F8: variants seen among roughly 807,000 people sequenced by gnomAD.
F8 encodes the protein antihemophilic factor.
In F8, 12 loss-of-function variants were observed where a neutral mutation model predicts 140.6. The ratio of observed to expected loss-of-function variants is 0.09; its 90% confidence interval spans 0.05 to 0.14. The LOEUF is 0.14. F8 is among the 10% of genes least tolerant of loss of function. The pLI, the probability that F8 is intolerant of heterozygous loss-of-function variation, is 1.00. For missense variants in F8, 1,354 were observed against 1,720.7 expected, an observed-to-expected ratio of 0.79 and a Z score of 3.77; for synonymous variants, 585 against 614.6, an observed-to-expected ratio of 0.95 and a Z score of 0.71.
rs782286433 is a variant in F8 at position 154,899,913 on chromosome X, C to T, written c.6226G>A (p.Gly2076Arg). 10 of 1,209,635 alleles carry T rather than the reference C, an allele frequency of 8.3e-6. No homozygotes were observed. The East Asian group carries it at 8.9e-5, about 11-fold the overall frequency. The change falls in exon 21 of 26, where the codon GGA (glycine) becomes AGA (arginine). Residue 2076 changes from glycine to arginine, a missense_variant. Physicochemically the swap from Gly to Arg is moderately radical, Grantham distance 125 (BLOSUM62 -2). This residue lies in a region of F8 where 316 missense variants were observed against 485.4 expected (regional missense o/e 0.65). Transcript: ENST00000360256. Reference sequence around the variant, plus strand: ...TTGGTGCTCCAGGCATTGATTGATCCGGAATAATGAAGTCTGGCCAGCTTT... The same window carrying T: ...TTGGTGCTCCAGGCATTGATTGATCTGGAATAATGAAGTCTGGCCAGCTTT... ...APKLARLHYS[G>R]SINAWSTKEP...
intron 25 of F8, among the ~76,000 whole-genome samples, chrX:154,846,899 G>C (rs1483423273): frequency 9.0e-6 from 1 of 111,082 alleles, no homozygotes; most frequent in Non-Finnish European, 1.9e-5. Flanking sequence ...TACAATTTGG[G>C]ATGTTTTTGC....
intron 14 of F8, among the ~76,000 whole-genome samples, chrX:154,920,379 G>A (rs1239674431): frequency 2.7e-5 from 3 of 110,767 alleles, no homozygotes; most frequent in Non-Finnish European, 5.7e-5. Context: ...AAAATTAGCA[G>A]GCTATTTTAA....
Position 154,984,777 on chromosome X carries a change from T to C in F8, c.697A>G (p.Asn233Asp), listed in dbSNP as rs782436137. ...GCATCCCTATCCTGCATCAAGGAGT[T>C]CTTTGTTTCTGAGTGCCAACTTTTC... ...EGKSWHSETK[N>D]SLMQDRDAAS... Residue 233 changes from asparagine to aspartate, a missense_variant, in exon 6 of 26, where the codon AAC becomes GAC. Coordinates refer to ENST00000360256, the MANE Select transcript of F8 (RefSeq NM_000132.4). 1.7e-6 allele frequency: 2 copies of C among 1,210,268 alleles called. No homozygotes were observed. Among genetic ancestry groups the C allele is most frequent in the South Asian group, 3.5e-5 (2 of 56,942 alleles).
chrX:154,843,085 G>C (rs1250990250), intron 25 of F8, among the ~76,000 whole-genome samples: 2 of 111,373 alleles, frequency 1.8e-5, no homozygotes, highest in East Asian at 5.6e-4. Flanking sequence ...TGAGAATGAT[G>C]GTTTCCAGCT....
chrX:154,980,086 A>T (rs1416082427), intron 6 of F8, among the ~76,000 whole-genome samples: 1 of 111,115 alleles, frequency 9.0e-6, no homozygotes, highest in African/African-American at 3.3e-5. Context: ...GCTTCCTGTC[A>T]CTGCTCTGTT....
chrX:154,935,512 T>C (rs782545730), intron 13 of F8, among the ~76,000 whole-genome samples: 3 of 111,858 alleles, frequency 2.7e-5, no homozygotes, highest in African/African-American at 3.3e-5. Context: ...AGACCTCTTC[T>C]TCACACCATA....
rs2072481853 is a variant in F8, at chrX:154,837,397, G to GT, written c.*199dup. ...ATCTGGGAGCAGCTGCAGAAAATAGGTAAGAGTTAAGTTAAATTGGATGCA... is the reference window on the plus strand; with the variant it reads ...ATCTGGGAGCAGCTGCAGAAAATAGGTTAAGAGTTAAGTTAAATTGGATGCA... On this transcript the variant is annotated 3_prime_UTR_variant, in exon 26 of 26. Transcript: ENST00000360256. 1 of 445,127 alleles carries GT rather than the reference G, an allele frequency of 2.2e-6. No individual in the cohort carries two copies. Among genetic ancestry groups the GT allele is most frequent in the African/African-American group, 2.5e-5 (1 of 40,605 alleles). The allele number at this position is 445,127 out of a possible 1,213,427, so 36.7% of individuals were successfully genotyped here.
At chrX:154,964,104 C>T (rs1163638831) in intron 9 of F8, among the ~76,000 whole-genome samples, 3 of 112,076 alleles carry the variant, frequency 2.7e-5, no homozygotes, top group African/African-American at 9.7e-5. Context: ...CACATACACA[C>T]ACACATTTGT....
intron 21 of F8, 102 bp downstream of exon 21, chrX:154,899,764 T>C (rs2073000411): frequency 3.8e-6 from 3 of 782,392 alleles, no homozygotes; most frequent in East Asian, 6.6e-5. Flanking sequence ...TTCTGTTCTT[T>C]AGTTTTCTCA....
At chrX:154,955,967 G>A (rs1168801440) in intron 11 of F8, among the ~76,000 whole-genome samples, 1 of 111,807 alleles carries the variant, frequency 8.9e-6, no homozygotes, top group Non-Finnish European at 1.9e-5. Flanking sequence ...CAGGAGACCA[G>A]GGCATATTTT....
At chrX:154,912,559 T>C (rs2073074084) in intron 14 of F8, among the ~76,000 whole-genome samples, 1 of 112,372 alleles carries the variant, frequency 8.9e-6, no homozygotes, top group Non-Finnish European at 1.9e-5. Flanking sequence ...CACTGGCATA[T>C]GTTTCTGTCT....
At chrX:154,969,599 G>A in intron 6 of F8, 47 bp from the exon 7 acceptor site, 1 of 1,087,498 alleles carries the variant, frequency 9.2e-7, no homozygotes, top group Non-Finnish European at 1.3e-6. Context: ...TAGAGAATCT[G>A]AAATGGAAAA....
At chrX:154,940,100 CA>C (rs1199673149) in intron 13 of F8, among the ~76,000 whole-genome samples, 1 of 111,874 alleles carries the variant, frequency 8.9e-6, no homozygotes, top group African/African-American at 3.3e-5. Flanking sequence ...CTCTAAGAAT[CA>C]GAGCACCTCC....
intron 20 of F8, among the ~76,000 whole-genome samples, chrX:154,900,395 G>A (rs917530933): frequency 8.4e-4 from 93 of 110,088 alleles, no homozygotes; most frequent in African/African-American, 2.9e-3. Context: ...CACCATGCCC[G>A]ACTAATTTTT....
chrX:154,998,613 G>C (rs1288262471), intron 2 of F8, among the ~76,000 whole-genome samples: 2 of 112,284 alleles, frequency 1.8e-5, no homozygotes, highest in Non-Finnish European at 3.8e-5. Context: ...CTGGTCACTT[G>C]TATCTCTCCT....
chrX:154,866,124 T>G (rs1437833269), intron 22 of F8, among the ~76,000 whole-genome samples: 2 of 111,639 alleles, frequency 1.8e-5, no homozygotes, highest in Non-Finnish European at 3.8e-5. Flanking sequence ...AAAAATAGTC[T>G]TTAAGTAAAA....
intron 1 of F8, among the ~76,000 whole-genome samples, chrX:155,004,868 C>T (rs1369615894): frequency 8.9e-6 from 1 of 111,972 alleles, no homozygotes; most frequent in Non-Finnish European, 1.9e-5. Context: ...CTAGCTTAGA[C>T]ATAATACCTA....
intron 13 of F8, 81 bp from the exon 14 acceptor site, chrX:154,931,757 C>A: frequency 3.5e-6 from 3 of 849,497 alleles, no homozygotes; most frequent in Admixed American, 5.0e-5. Flanking sequence ...CTCCCATTCC[C>A]AGATAAATGA....
At chrX:154,873,290 G>T (rs1298273154) in intron 22 of F8, among the ~76,000 whole-genome samples, 3 of 107,257 alleles carry the variant, frequency 2.8e-5, no homozygotes, top group Non-Finnish European at 5.8e-5. Flanking sequence ...GCAGTGGTGC[G>T]ATCTTGGCTC....
Sources: allele counts gnomAD v4.1 joint callset (sites outside exome capture counted in the v4.1 genomes callset), GRCh38; gene constraint gnomAD v4.1.1; regional missense constraint gnomAD v4.1.1; transcripts MANE v1.5; gene names NCBI Gene and HGNC (gene_info 2026-07-23, HGNC 2026-07-21).